Variants in IGFLR1 observed in about 807,000 individuals in gnomAD.
IGFLR1 encodes IGF-like family receptor 1.
A neutral mutation model predicts 23.4 loss-of-function variants in IGFLR1; 17 were observed. The ratio of observed to expected loss-of-function variants is 0.73; its 90% confidence interval spans 0.50 to 1.09. The LOEUF is 1.09. Among genes scored for constraint, IGFLR1 ranks in the 50% least tolerant of loss-of-function variants. The probability of loss-of-function intolerance (pLI) is 0.00; values close to 1 mark genes in which losing one functional copy is unlikely to be tolerated. For missense variants in IGFLR1, 556 were observed against 459.2 expected (o/e 1.21, Z -1.93); for synonymous variants, 265 against 210.7 (o/e 1.26, Z -2.23).
Position 35,739,737 on chromosome 19 carries a change from C to T in IGFLR1, c.694G>A (p.Ala232Thr), listed in dbSNP as rs1009117486. 1.3e-6 allele frequency: 2 copies of T among 1,550,748 alleles called. No homozygotes were observed. The highest frequency in any genetic ancestry group is 2.3e-5 in the East Asian group (1 of 44,234). The change falls in exon 4 of 5, where the codon GCC becomes ACC. Residue 232 changes from alanine (A) to threonine (T), a missense_variant. Physicochemically the swap from Ala to Thr is moderately conservative, Grantham distance 58 (BLOSUM62 0). Coordinates refer to ENST00000246532, the MANE Select transcript of IGFLR1 (RefSeq NM_024660.4). ...ALETGDTWKE[A>T]SLLPLLSREL... The stretch of plus-strand genomic sequence containing the variant: ...CTGCTCAGGAGTGGAAGTAGTGAGG[C>T]CTCCTTCCATGTGTCCCCTGTCTCC...
In IGFLR1 at chr19:35,739,942, C is replaced by CG. The variant is rs1198958690; in HGVS notation, c.488dup (p.Leu164AlafsTer93). 6 of 1,613,994 alleles carry CG rather than the reference C, an allele frequency of 3.7e-6. No homozygotes were observed. In the African/African-American group the frequency reaches 8.0e-5, roughly 22 times the overall value. On this transcript the variant is annotated frameshift_variant, in exon 4 of 5. Transcript: ENST00000246532. LOFTEE classifies it high-confidence loss of function. Reference sequence around the variant, plus strand: ...TCAGGAGCAGGACCAGCACCACGAGCGGAAGGAAATTCGGCCAGGCCTGCT... The same window carrying CG: ...TCAGGAGCAGGACCAGCACCACGAGCGGGAAGGAAATTCGGCCAGGCCTGCT...
At position 35,739,140 on chromosome 19, in the gene IGFLR1, A is replaced by G. The variant is rs1970043563; in HGVS notation, c.*140T>C. On this transcript the variant is annotated 3_prime_UTR_variant, in exon 5 of 5. Transcript: ENST00000246532. ...CCCTCCCACATGTGGCCCTGTGTGT[A>G]TGTTGGAATAGGCCCTTCTAGGGCG... 1.2e-6 allele frequency: 1 copy of G among 820,118 alleles called. No individual in the cohort carries two copies. The highest frequency in any genetic ancestry group is 1.9e-6 in the Non-Finnish European group (1 of 532,550). The allele number at this position is 820,118 out of a possible 1,614,324, so 50.8% of individuals were successfully genotyped here. A position where few individuals can be genotyped will look rare whatever the true frequency, so the allele number is the denominator to read the frequency against.
rs140499475 is a variant in IGFLR1, at chr19:35,739,776, A to G, written c.655T>C (p.Ser219Pro). Reference protein sequence around the residue: ...THTPSSSHLSSPGALETGDTW... With the variant: ...THTPSSSHLSPPGALETGDTW... Reference sequence around the variant, plus strand: ...TCCCCTGTCTCCAGGGCGCCTGGGGAGGACAGATGCGAGGAGGAAGGGGTG... The same window carrying G: ...TCCCCTGTCTCCAGGGCGCCTGGGGGGGACAGATGCGAGGAGGAAGGGGTG... The change falls in exon 4 of 5, where the codon TCC becomes CCC. Residue 219 changes from serine (S) to proline (P), a missense_variant. Transcript: ENST00000246532. The G allele has an allele frequency of 2.1e-3, 3,346 of 1,565,400 alleles. 15 individuals carry two copies. The highest frequency in any genetic ancestry group is 6.0e-3 in the Middle Eastern group (35 of 5,826).
chr19:35,740,087 C>T lies in IGFLR1; in HGVS notation c.344G>A (p.Arg115Lys). 1 of 1,609,896 alleles carries T rather than the reference C, an allele frequency of 6.2e-7. No homozygotes were observed. Among genetic ancestry groups the T allele is most frequent in the South Asian group, 1.1e-5 (1 of 90,882 alleles). Reference protein sequence around the residue: ...GGRTPWRCRERPVPAKGHCPL... With the variant: ...GGRTPWRCREKPVPAKGHCPL... ...GCAGTGCCCCTTGGCAGGGACCGGC[C>T]TCTGGGGATAAGGGGTTGGAGTAAA... The change falls in exon 4 of 5, where the codon AGG (arginine) becomes AAG (lysine). Residue 115 changes from arginine (R) to lysine (K), a missense_variant and splice_region_variant. Physicochemically the swap from Arg to Lys is conservative, Grantham distance 26. Transcript: ENST00000246532.
rs1970213120 is a variant in IGFLR1, at chr19:35,741,230, T to A, written c.-43-7A>T. The A allele has an allele frequency of 1.9e-6, 3 of 1,599,764 alleles. No homozygotes were observed. Among genetic ancestry groups the A allele is most frequent in the African/African-American group, 1.3e-5 (1 of 74,890 alleles). ...TCCAAACACAGCGCCTCTGCTACAC[T>A]TTCCGGGGAAATCGGGCAGAAGAAA... On this transcript the variant is annotated splice_polypyrimidine_tract_variant and splice_region_variant and intron_variant, in intron 1 of 4. Coordinates refer to ENST00000246532, the MANE Select transcript of IGFLR1 (RefSeq NM_024660.4).
chr19:35,740,969 C>T (rs1057305704), intron 2 of IGFLR1, 55 bp downstream of exon 2: 1 of 1,564,756 alleles, frequency 6.4e-7, no homozygotes, highest in Non-Finnish European at 8.7e-7. Context: ...GCCCCTTCCC[C>T]GCTCCCTATC....
chr19:35,740,843 C>T (rs1970186367), intron 2 of IGFLR1, 181 bp downstream of exon 2: 1 of 668,572 alleles, frequency 1.5e-6, no homozygotes, highest in Non-Finnish European at 2.5e-6. Flanking sequence ...TCGCTGTTGC[C>T]CTACGGTAGC....
rs1660340817 is a variant in IGFLR1, at chr19:35,740,757, C to A, written c.158-193G>T. Reference sequence around the variant, plus strand: ...CTCCAGCCTGCTCCGCACGAAGCTCCGCCCACTCCCGGCTTCTCTACATAA... The same window carrying A: ...CTCCAGCCTGCTCCGCACGAAGCTCAGCCCACTCCCGGCTTCTCTACATAA... On this transcript the variant is annotated intron_variant, in intron 2 of 4. Transcript: ENST00000246532. 2.9e-5 allele frequency: 19 copies of A among 646,116 alleles called. 1 individual carries two copies. The South Asian group carries it at 3.6e-4, about 12-fold the overall frequency. The allele number at this position is 646,116 out of a possible 1,614,324, so 40.0% of individuals were successfully genotyped here.
At position 35,740,007 on chromosome 19, in the gene IGFLR1, C is replaced by A; in HGVS notation, c.424G>T (p.Ala142Ser). The change falls in exon 4 of 5, where the codon GCA becomes TCA. Residue 142 changes from alanine (A) to serine (S), a missense_variant. Transcript: ENST00000246532. ...GGGGTCCTCCAGGCAATGGAACTTG[C>A]TGGTGAGCTGCGCTCCTGGGAGCTA... ...APSSQERSSP[A>S]SSIAWRTPEP... 2 of 1,614,082 alleles carry A rather than the reference C, an allele frequency of 1.2e-6. No individual in the cohort carries two copies. The highest frequency in any genetic ancestry group is 1.7e-6 in the Non-Finnish European group (2 of 1,179,990).
At position 35,739,779 on chromosome 19, in the gene IGFLR1, A is replaced by G. The variant is rs1177110036; in HGVS notation, c.652T>C (p.Ser218Pro). 1 of 1,568,574 alleles carries G rather than the reference A, an allele frequency of 6.4e-7. No homozygotes were observed. Among genetic ancestry groups the G allele is most frequent in the Non-Finnish European group, 8.7e-7 (1 of 1,154,198 alleles). The stretch of plus-strand genomic sequence containing the variant: ...CCTGTCTCCAGGGCGCCTGGGGAGG[A>G]CAGATGCGAGGAGGAAGGGGTGTGG... ...NTHTPSSSHL[S>P]SPGALETGDT... The change falls in exon 4 of 5, where the codon TCC becomes CCC. Residue 218 changes from serine (S) to proline (P), a missense_variant. By Grantham distance (74) the Ser-to-Pro change is moderately conservative. Transcript: ENST00000246532.
chr19:35,740,718 GC>G (rs1422203474), intron 2 of IGFLR1, 154 bp from the exon 3 acceptor site: 5 of 749,498 alleles, frequency 6.7e-6, no homozygotes, highest in Non-Finnish European at 1.1e-5. Context: ...CTCCGGGCTC[GC>G]CTTTTCACCC....
chr19:35,740,204 T>G (rs1970131462), intron 3 of IGFLR1, 116 bp from the exon 4 acceptor site: 1 of 1,392,066 alleles, frequency 7.2e-7, no homozygotes, highest in Non-Finnish European at 9.4e-7. Context: ...CGGTATCTGA[T>G]AAGGTAGTTG....
intron 1 of IGFLR1, among the ~76,000 whole-genome samples, 180 bp downstream of exon 1, chr19:35,742,216 A>AG (rs1437131468): frequency 2.0e-5 from 3 of 151,958 alleles, no homozygotes; most frequent in Non-Finnish European, 4.4e-5. Flanking sequence ...GCAGGCACGG[A>AG]GGAGTCAGCC....
In IGFLR1 at chr19:35,740,730, C is replaced by A. The variant is rs572422479; in HGVS notation, c.158-166G>T. The A allele has an allele frequency of 4.9e-4, 347 of 706,642 alleles. 1 individual carries two copies. The Middle Eastern group carries it at 5.3e-3, about 11-fold the overall frequency. 43.8% of individuals were successfully genotyped at this position (706,642 alleles called of 1,614,324 possible). ...TTTCTCCGGGCTCGCCTTTTCACCCCCCTCCAGCCTGCTCCGCACGAAGCT... is the reference window on the plus strand; with the variant it reads ...TTTCTCCGGGCTCGCCTTTTCACCCACCTCCAGCCTGCTCCGCACGAAGCT... On this transcript the variant is annotated intron_variant, in intron 2 of 4. Coordinates refer to ENST00000246532, the MANE Select transcript of IGFLR1 (RefSeq NM_024660.4).
At chr19:35,740,617 C>A (rs1970164469) in intron 2 of IGFLR1, 53 bp from the exon 3 acceptor site, 4 of 1,521,156 alleles carry the variant, frequency 2.6e-6, no homozygotes, top group Non-Finnish European at 3.6e-6. Context: ...CCTGCGCGGG[C>A]AACGCCCTCT....
Position 35,739,288 on chromosome 19 carries a change from A to G in IGFLR1, c.1060T>C (p.Trp354Arg). 6.3e-7 allele frequency: 1 copy of G among 1,588,792 alleles called. No homozygotes were observed. Among genetic ancestry groups the G allele is most frequent in the Non-Finnish European group, 8.6e-7 (1 of 1,164,250 alleles). Residue 354 changes from tryptophan (W) to arginine (R), a missense_variant, in exon 5 of 5, where the codon TGG (tryptophan) becomes CGG (arginine). Physicochemically the swap from Trp to Arg is moderately radical, Grantham distance 101. Transcript: ENST00000246532. ...AAGTTCTTTATTGGGTGTTAAGCCC[A>G]GCAAACCCCAGATGAGCCAAGCTTG... ...LSKLGSSGVCWA is the reference protein window; with the variant it reads ...LSKLGSSGVCRA
In IGFLR1 at chr19:35,740,411, C is replaced by T. The variant is rs762122644; in HGVS notation, c.311G>A (p.Gly104Asp). The part of the protein sequence containing the change: ...GGAVTPTPAA[G>D]GGRTPWRCRE... ...GCAGCGCCACGGGGTTCTGCCCCCG[C>T]CCGCGGCGGGAGTAGGGGTCACGGC... The change falls in exon 3 of 5, where the codon GGC (glycine) becomes GAC (aspartate). Residue 104 changes from glycine (G) to aspartate (D), a missense_variant. Coordinates refer to ENST00000246532, the MANE Select transcript of IGFLR1 (RefSeq NM_024660.4). The T allele has an allele frequency of 1.2e-6, 2 of 1,606,552 alleles. No homozygotes were observed. The highest frequency in any genetic ancestry group is 2.2e-5 in the East Asian group (1 of 44,732).
rs1460837566 is a variant in IGFLR1, at chr19:35,739,327, A to G, written c.1021T>C (p.Leu341=). 7 of 1,609,326 alleles carry G rather than the reference A, an allele frequency of 4.3e-6. No individual in the cohort carries two copies. Among genetic ancestry groups the G allele is most frequent in the East Asian group, 2.2e-5 (1 of 44,740 alleles). ...HLAQLGRADA[L]RVLSKLGSSG... is the part of the protein sequence containing the mutation. ...GAGCCAAGCTTGGACAGCACCCGCA[A>G]TGCATCTGCCCGCCCTAGCTGGGCG... is the stretch of plus-strand genomic sequence containing the variant. The change falls in exon 5 of 5, where the codon TTG becomes CTG. Residue 341 remains leucine, a synonymous_variant. Transcript: ENST00000246532.
intron 2 of IGFLR1, 125 bp from the exon 3 acceptor site, chr19:35,740,689 C>A: frequency 1.1e-6 from 1 of 925,112 alleles, no homozygotes; most frequent in Non-Finnish European, 1.6e-6. Context: ...TTAGCGTGCG[C>A]CCCGGTCTTG....
Sources: gnomAD v4.1 joint callset for allele counts (sites outside exome capture counted in the v4.1 genomes callset) on GRCh38, gnomAD v4.1.1 for gene constraint, MANE v1.5 for transcripts, NCBI Gene and HGNC (gene_info 2026-07-23, HGNC 2026-07-21) for gene names.